GPKOW: variants seen among roughly 807,000 people sequenced by gnomAD.
GPKOW encodes the protein G-patch domain and KOW motifs.
For missense variants in GPKOW, 359 were observed against 404.7 expected (o/e 0.89, Z 0.97); for synonymous variants, 167 against 159.1 (o/e 1.05, Z -0.37).
intron 1 of GPKOW, 33 bp downstream of exon 1, chrX:49,123,514 G>T: frequency 1.7e-6 from 2 of 1,165,949 alleles, no homozygotes; most frequent in Non-Finnish European, 2.3e-6. Flanking sequence ...CCACCGCAGA[G>T]ATTTCCAAGG....
intron 9 of GPKOW, among the ~76,000 whole-genome samples, chrX:49,114,639 C>G (rs1334540309): frequency 2.0e-5 from 2 of 99,592 alleles, no homozygotes; most frequent in Non-Finnish European, 4.0e-5. Context: ...AAAAGAAGGG[C>G]CTTTCAGCTG....
At chrX:49,122,897 C>T (rs782683501) in intron 1 of GPKOW, 121 bp from the exon 2 acceptor site, 3 of 541,842 alleles carry the variant, frequency 5.5e-6, no homozygotes, top group East Asian at 7.1e-5. Context: ...GTCTTCCCTA[C>T]TCCATGTCTG....
rs1302722952 is a variant in GPKOW at position 49,115,510 on chromosome X, AAAAAAAAAAAAG to A, written c.1210+204_1210+215del. Among the ~76,000 whole-genome samples the A allele has an allele frequency of 8.6e-5, 7 of 81,273 alleles. No individual in the cohort carries two copies. The Admixed American group carries it at 1.1e-3, about 12-fold the overall frequency. The allele number at this position is 81,273 out of a possible 115,157, so 70.6% of individuals were successfully genotyped here. A position where few individuals can be genotyped will look rare whatever the true frequency, so the allele number is the denominator to read the frequency against. Reference sequence around the variant, plus strand: ...TGACAGAGTGAGACTCTGTCTCAAAAAAAAAAAAAAAGAAAAAAAAGAAAACTTGACAGACTG... The same window carrying A: ...TGACAGAGTGAGACTCTGTCTCAAAAAAAAAAAAGAAAACTTGACAGACTG... On this transcript the variant is annotated intron_variant, in intron 9 of 10. Coordinates refer to ENST00000156109, the MANE Select transcript of GPKOW (RefSeq NM_015698.6).
At chrX:49,114,770 C>T (rs2065185885) in intron 9 of GPKOW, among the ~76,000 whole-genome samples, 1 of 105,247 alleles carries the variant, frequency 9.5e-6, no homozygotes, top group Non-Finnish European at 1.9e-5. Flanking sequence ...ATTAAAAATA[C>T]CAAAATTAGC....
At position 49,115,071 on chromosome X, in the gene GPKOW, A is replaced by T. The variant is rs1267620876; in HGVS notation, c.1210+655T>A. ...AGGAGTAGTTTACAAAAATCACTGT[A>T]ATAAAGGGTGGTGGTGATAACAACA... On this transcript the variant is annotated intron_variant, in intron 9 of 10. Transcript: ENST00000156109. 4.5e-5 allele frequency among the ~76,000 whole-genome samples: 5 copies of T among 110,301 alleles called. No homozygotes were observed. In the East Asian group the frequency reaches 1.4e-3, roughly 31 times the overall value.
chrX:49,117,168 G>A lies in GPKOW; in HGVS notation c.781-6C>T. On this transcript the variant is annotated splice_polypyrimidine_tract_variant and splice_region_variant and intron_variant, in intron 5 of 10. Coordinates refer to ENST00000156109, the MANE Select transcript of GPKOW (RefSeq NM_015698.6). ...TCAGGATCAAGGCCTTCCACCTAAAGTGTTGAGGGGAAGAAGTCAGGTAGG... is the reference window on the plus strand; with the variant it reads ...TCAGGATCAAGGCCTTCCACCTAAAATGTTGAGGGGAAGAAGTCAGGTAGG... 8.3e-7 allele frequency: 1 copy of A among 1,209,707 alleles called. No homozygotes were observed. The highest frequency in any genetic ancestry group is 3.0e-5 in the East Asian group (1 of 33,808).
rs2065218755 is a variant in GPKOW, at chrX:49,122,895, T to G, written c.177-119A>C. The G allele has an allele frequency of 9.1e-6, 5 of 550,936 alleles. No homozygotes were observed. In the South Asian group the frequency reaches 1.2e-4, roughly 13 times the overall value. 45.4% of individuals were successfully genotyped at this position (550,936 alleles called of 1,213,427 possible). A position where few individuals can be genotyped will look rare whatever the true frequency, so the allele number is the denominator to read the frequency against. ...CCAGCCCCACAGACCATGTCTTCCC[T>G]ACTCCATGTCTGGATCTCCTGTTCC... On this transcript the variant is annotated intron_variant, in intron 1 of 10. Transcript: ENST00000156109.
rs138170519 is a variant in GPKOW, at chrX:49,118,933, A to G, written c.566+772T>C. 0.015 allele frequency among the ~76,000 whole-genome samples: 1,467 copies of G among 95,652 alleles called. 66 individuals carry two copies. The East Asian group carries it at 0.19, about 12-fold the overall frequency. 83.1% of individuals were successfully genotyped at this position (95,652 alleles called of 115,157 possible). A position where few individuals can be genotyped will look rare whatever the true frequency, so the allele number is the denominator to read the frequency against. On this transcript the variant is annotated intron_variant, in intron 4 of 10. Transcript: ENST00000156109. ...AGGGCCTACTGTATGTGCTTTATGT[A>G]TATAATTTCTTTTCCTTTTCCTTTT...
intron 1 of GPKOW, among the ~76,000 whole-genome samples, chrX:49,123,070 C>G (rs2065219344): frequency 9.0e-6 from 1 of 111,095 alleles, no homozygotes; most frequent in African/African-American, 3.3e-5. Flanking sequence ...CCAGACCTTC[C>G]CCAGCTCCAG....
chrX:49,117,927 C>CT (rs1275240426), intron 4 of GPKOW, 117 bp from the exon 5 acceptor site: 284 of 335,299 alleles, frequency 8.5e-4, no homozygotes, highest in Admixed American at 2.0e-3. Flanking sequence ...CTTTTCTTTT[C>CT]TTTTTTTTTG....
At chrX:49,121,247 C>T (rs937654989) in intron 3 of GPKOW, among the ~76,000 whole-genome samples, 3 of 109,478 alleles carry the variant, frequency 2.7e-5, no homozygotes, top group African/African-American at 6.6e-5. Flanking sequence ...ACCAACGTGG[C>T]GAAACCTCGT....
intron 3 of GPKOW, among the ~76,000 whole-genome samples, chrX:49,121,576 G>T (rs189161121): frequency 9.0e-6 from 1 of 111,042 alleles, no homozygotes. Context: ...ATTTATGAAA[G>T]AAGAGGTGAA....
chrX:49,119,688 C>T lies in GPKOW; in HGVS notation c.566+17G>A, dbSNP rs781981618. 2 of 1,046,662 alleles carry T rather than the reference C, an allele frequency of 1.9e-6. No homozygotes were observed. Among genetic ancestry groups the T allele is most frequent in the Non-Finnish European group, 2.7e-6 (2 of 749,912 alleles). The allele number at this position is 1,046,662 out of a possible 1,213,427, so 86.3% of individuals were successfully genotyped here. On this transcript the variant is annotated intron_variant, in intron 4 of 10. Coordinates refer to ENST00000156109, the MANE Select transcript of GPKOW (RefSeq NM_015698.6). The stretch of plus-strand genomic sequence containing the variant: ...CTGATGATCTGTCTGTCCCCTCGAC[C>T]CTATCCCAGAACTCACTGATTGAAG...
At chrX:49,118,281 A>T (rs1428529797) in intron 4 of GPKOW, among the ~76,000 whole-genome samples, 1 of 111,656 alleles carries the variant, frequency 9.0e-6, no homozygotes, top group Non-Finnish European at 1.9e-5. Context: ...TTTGACCTAC[A>T]GAAACAGCAA....
chrX:49,117,797 G>A lies in GPKOW; in HGVS notation c.580C>T (p.Arg194Cys), dbSNP rs1557090483. 2 of 1,188,016 alleles carry A rather than the reference G, an allele frequency of 1.7e-6. No homozygotes were observed. The highest frequency in any genetic ancestry group is 1.1e-6 in the Non-Finnish European group (1 of 877,048). Residue 194 changes from arginine to cysteine, a missense_variant, in exon 5 of 11, where the codon CGT becomes TGT. Arg to Cys is a radical substitution (Grantham distance 180). Transcript: ENST00000156109. ...GRTFNQVVKPRVNSLRPKGLG... is the reference protein window; with the variant it reads ...GRTFNQVVKPCVNSLRPKGLG... ...CCCTTGGGCCTCAGTGAGTTGACAC[G>A]GGGCTTCACTACTCTGCAGGGAGGA...
chrX:49,114,794 G>A (rs1557089955), intron 9 of GPKOW, among the ~76,000 whole-genome samples: 7 of 104,393 alleles, frequency 6.7e-5, no homozygotes, highest in Admixed American at 6.3e-4. Flanking sequence ...GTGTGGTAGC[G>A]GGCACCTGTA....
At chrX:49,116,557 CACA>C (rs1312535076) in intron 6 of GPKOW, among the ~76,000 whole-genome samples, 4 of 111,025 alleles carry the variant, frequency 3.6e-5, no homozygotes, top group Non-Finnish European at 5.7e-5. Flanking sequence ...CAACCTAGCC[CACA>C]ACAACAATGC....
rs1236101292 is a variant in GPKOW at position 49,120,907 on chromosome X, G to A, written c.457-1093C>T. On this transcript the variant is annotated intron_variant, in intron 3 of 10. Transcript: ENST00000156109. Reference sequence around the variant, plus strand: ...TTGAACTCCTGACCTCAGGTGATCCGCTGGCCTCAGCCTCTCAAAGTGTTG... The same window carrying A: ...TTGAACTCCTGACCTCAGGTGATCCACTGGCCTCAGCCTCTCAAAGTGTTG... 2.7e-5 allele frequency among the ~76,000 whole-genome samples: 3 copies of A among 110,133 alleles called. No homozygotes were observed. In the East Asian group the frequency reaches 8.7e-4, roughly 32 times the overall value.
intron 9 of GPKOW, among the ~76,000 whole-genome samples, chrX:49,115,508 AAAAAAAAAAAAAAG>A (rs1251469211): frequency 2.9e-5 from 2 of 69,789 alleles, no homozygotes; most frequent in African/African-American, 1.1e-4. Context: ...CTCTGTCTCA[AAAAAAAAAAAAAAG>A]AAAAAAAAGA....
Sources: allele counts gnomAD v4.1 joint callset (sites outside exome capture counted in the v4.1 genomes callset), GRCh38; gene constraint gnomAD v4.1.1; transcripts MANE v1.5; gene names NCBI Gene and HGNC (gene_info 2026-07-23, HGNC 2026-07-21).